The following TMCO5A variants were observed in gnomAD, a reference collection of about 807,000 sequenced individuals.
TMCO5A encodes transmembrane and coiled-coil domains 5A, also known as transmembrane and coiled-coil domain-containing protein 5A.
In TMCO5A, 34 loss-of-function variants were observed where a neutral mutation model predicts 42.3. The ratio of observed to expected loss-of-function variants is 0.80; its 90% confidence interval spans 0.61 to 1.07. TMCO5A has a LOEUF of 1.07. Ranked by LOEUF, TMCO5A falls within the 50% of genes least tolerant of loss-of-function variation. The probability of loss-of-function intolerance (pLI) is 0.00; values close to 1 mark genes in which losing one functional copy is unlikely to be tolerated. For synonymous variants in TMCO5A, 131 were observed against 115.6 expected (o/e 1.13, Z -0.86); for missense variants, 357 against 327.9 (o/e 1.09, Z -0.69).
At chr15:37,957,277 A>T (rs1242735329) in intron 11 of TMCO5A, among the ~76,000 whole-genome samples, 1 of 152,202 alleles carries the variant, frequency 6.6e-6, no homozygotes, top group South Asian at 2.1e-4. Flanking sequence ...AAGGTATTCA[A>T]TTCCAAAAAG....
chr15:38,015,369 A>G, the TMCO5A span, among the ~76,000 whole-genome samples: 1 of 152,158 alleles, frequency 6.6e-6, no homozygotes, highest in Non-Finnish European at 1.5e-5. Context: ...AATTAATACC[A>G]TTAAAATTGC....
intron 11 of TMCO5A, among the ~76,000 whole-genome samples, chr15:37,961,349 A>G (rs963494386): frequency 6.6e-6 from 1 of 151,686 alleles, no homozygotes; most frequent in African/African-American, 2.4e-5. Context: ...TCAGTTGGCT[A>G]TAAGTATTTG....
chr15:38,011,703 C>A, the TMCO5A span, among the ~76,000 whole-genome samples: 1 of 152,064 alleles, frequency 6.6e-6, no homozygotes. Context: ...TGCAAATGCC[C>A]AAAATTCAGA....
intron 10 of TMCO5A, among the ~76,000 whole-genome samples, chr15:37,946,550 T>A (rs1334459630): frequency 6.6e-6 from 1 of 152,178 alleles, no homozygotes; most frequent in African/African-American, 2.4e-5. Context: ...AGCGATGGTT[T>A]GTAGTTCTCC....
chr15:37,944,533 T>C (rs1259735916), intron 10 of TMCO5A: 1 of 152,114 alleles, frequency 6.6e-6, no homozygotes, highest in East Asian at 1.9e-4. Flanking sequence ...ACTCAAACTA[T>C]AGATCAAAAT....
chr15:37,947,711 T>A lies in TMCO5A; in HGVS notation c.668+15T>A. 1 of 1,569,484 alleles carries A rather than the reference T, an allele frequency of 6.4e-7. No homozygotes were observed. Among genetic ancestry groups the A allele is most frequent in the Non-Finnish European group, 8.7e-7 (1 of 1,144,524 alleles). The stretch of plus-strand genomic sequence containing the variant: ...TTCAGTAAAAAGTAAGTAAAATATC[T>A]TCAGGTAAACTTCCTATAAAATTGG... On this transcript the variant is annotated intron_variant, in intron 11 of 11. Coordinates refer to ENST00000319669, the MANE Select transcript of TMCO5A (RefSeq NM_152453.4).
At chr15:37,965,146 A>G (rs906618599) in intron 11 of TMCO5A, among the ~76,000 whole-genome samples, 1 of 152,188 alleles carries the variant, frequency 6.6e-6, no homozygotes, top group African/African-American at 2.4e-5. Context: ...CAAAAGTGCC[A>G]AGAACAAACA....
chr15:37,985,901 C>T, the TMCO5A span, among the ~76,000 whole-genome samples: 1 of 151,870 alleles, frequency 6.6e-6, no homozygotes, highest in Non-Finnish European at 1.5e-5. Flanking sequence ...TTAACTTGTA[C>T]TCTATTCTCT....
downstream of TMCO5A, among the ~76,000 whole-genome samples, chr15:37,952,602 C>A (rs1355897136): frequency 6.6e-6 from 1 of 152,138 alleles, no homozygotes; most frequent in Admixed American, 6.6e-5. Context: ...TAGGTGAGAC[C>A]CTGAGAATTT....
chr15:37,941,276 T>A (rs542236433), intron 7 of TMCO5A, 71 bp downstream of exon 7: 1 of 1,444,720 alleles, frequency 6.9e-7, no homozygotes, highest in African/African-American at 1.4e-5. Context: ...GCAATCTATT[T>A]CTCAAGTGAT....
chr15:37,952,806 C>T (rs1448983602), downstream of TMCO5A, among the ~76,000 whole-genome samples: 2 of 152,206 alleles, frequency 1.3e-5, no homozygotes, highest in East Asian at 1.9e-4. Context: ...TCTGGAACTG[C>T]CCTAGGCAAG....
chr15:38,006,418 G>A, the TMCO5A span, among the ~76,000 whole-genome samples: 1 of 152,194 alleles, frequency 6.6e-6, no homozygotes, highest in Non-Finnish European at 1.5e-5. Context: ...ATTGGTTGGA[G>A]AATTTGTAAT....
the TMCO5A span, among the ~76,000 whole-genome samples, chr15:37,986,086 C>G: frequency 2.6e-5 from 4 of 152,072 alleles, no homozygotes; most frequent in Admixed American, 6.6e-5. Flanking sequence ...ATAACTAGTA[C>G]TAGAAGGCAG....
At chr15:37,941,273 A>G in intron 7 of TMCO5A, 68 bp downstream of exon 7, 1 of 1,465,766 alleles carries the variant, frequency 6.8e-7, no homozygotes, top group Non-Finnish European at 9.5e-7. Flanking sequence ...CAGGCAATCT[A>G]TTTCTCAAGT....
At position 37,941,670 on chromosome 15, in the gene TMCO5A, G is replaced by C. The variant is rs2140266685; in HGVS notation, c.445-1G>C. The C allele has an allele frequency of 3.1e-6, 5 of 1,606,860 alleles. No homozygotes were observed. The highest frequency in any genetic ancestry group is 4.3e-6 in the Non-Finnish European group (5 of 1,173,960). On this transcript the variant is annotated splice_acceptor_variant, in intron 7 of 11. Coordinates refer to ENST00000319669, the MANE Select transcript of TMCO5A (RefSeq NM_152453.4). LOFTEE classifies it high-confidence loss of function. ...TTTACAACTAAATTTTGATTTCCTA[G>C]GTAATGAAGGAGTATGCATTTGTGA...
At chr15:37,998,044 T>C in the TMCO5A span, among the ~76,000 whole-genome samples, 1 of 152,216 alleles carries the variant, frequency 6.6e-6, no homozygotes, top group African/African-American at 2.4e-5. Context: ...TTTAATCAGA[T>C]TGTTAAAATT....
At chr15:37,971,123 C>T (rs1052800189), downstream of TMCO5A, among the ~76,000 whole-genome samples, 5 of 152,206 alleles carry the variant, frequency 3.3e-5, no homozygotes, top group African/African-American at 1.2e-4. Context: ...TCCATGAGGA[C>T]CCCGCCCCTG....
chr15:37,959,919 A>G (rs1890380278), intron 11 of TMCO5A, among the ~76,000 whole-genome samples: 1 of 152,000 alleles, frequency 6.6e-6, no homozygotes, highest in African/African-American at 2.4e-5. Flanking sequence ...TATATTTGGG[A>G]AAAAAATTAA....
the TMCO5A span, among the ~76,000 whole-genome samples, chr15:37,986,216 T>C: frequency 6.6e-6 from 1 of 152,042 alleles, no homozygotes; most frequent in African/African-American, 2.4e-5. Flanking sequence ...AAATAGAAAT[T>C]AAATGAATGT....
Sources: allele counts gnomAD v4.1 joint callset (sites outside exome capture counted in the v4.1 genomes callset), GRCh38; gene constraint gnomAD v4.1.1; transcripts MANE v1.5; gene names NCBI Gene and HGNC (gene_info 2026-07-23, HGNC 2026-07-21).